Variants in PWWP2B observed in about 807,000 individuals in gnomAD.
PWWP2B encodes PWWP domain-containing protein 2B.
PWWP2B carries 9 observed loss-of-function variants against 15.5 expected under a neutral mutation model. The ratio of observed to expected loss-of-function variants is 0.58; its 90% CI spans 0.35 to 1.02. The LOEUF is 1.02. PWWP2B is among the 50% of genes least tolerant of loss of function. PWWP2B has a pLI of 0.02. For synonymous variants in PWWP2B, 474 were observed against 403.6 expected (o/e 1.17, Z -2.09); for missense variants, 864 against 865.3 (o/e 1.00, Z 0.02).
Position 132,406,160 on chromosome 10 carries a change from A to C in PWWP2B, c.1660A>C (p.Arg554=). Residue 554 remains arginine (R), a synonymous_variant, in exon 2 of 3, where the codon AGA becomes CGA. Coordinates refer to ENST00000305233, the MANE Select transcript of PWWP2B (RefSeq NM_138499.4). ...LSPFSEFFKL[R]FNRKKKGMYR... is the part of the protein sequence containing the mutation. ...CCCTTTCTCTGAATTTTTCAAACTG[A>C]GATTTAATCGTAAGAAGAAGGGGAT... 1 of 1,613,570 alleles carries C rather than the reference A, an allele frequency of 6.2e-7. No homozygotes were observed. The highest frequency in any genetic ancestry group is 8.5e-7 in the Non-Finnish European group (1 of 1,180,002).
At chr10:132,401,389 C>T (rs960053377) in intron 1 of PWWP2B, among the ~76,000 whole-genome samples, 2 of 147,402 alleles carry the variant, frequency 1.4e-5, no homozygotes, top group Admixed American at 6.7e-5. Context: ...TCCTCTTCCC[C>T]ACAGGCAGGG....
intron 2 of PWWP2B, among the ~76,000 whole-genome samples, chr10:132,411,225 A>G (rs192082184): frequency 2.6e-5 from 4 of 152,226 alleles, no homozygotes; most frequent in Non-Finnish European, 4.4e-5. Flanking sequence ...TCCCCCTCTC[A>G]TGACCACGTC....
At chr10:132,397,874 G>A (rs376326219) in intron 1 of PWWP2B, among the ~76,000 whole-genome samples, 1 of 152,180 alleles carries the variant, frequency 6.6e-6, no homozygotes, top group Non-Finnish European at 1.5e-5. Context: ...TTCAGGCCAG[G>A]GAGCCCTGAG....
intron 2 of PWWP2B, 46 bp from the exon 3 acceptor site, chr10:132,417,015 A>G (rs769278151): frequency 8.7e-6 from 14 of 1,611,090 alleles, no homozygotes; most frequent in African/African-American, 8.0e-5. Context: ...GGTCCCCCAT[A>G]CTCGACCCTG....
In PWWP2B at chr10:132,417,320, G is replaced by A; in HGVS notation, c.*276G>A. ...AGGCAGTCGGGACTCGTGACTTGCTGGCTGCTGGCTGCTGCTGCCTCGCGC... is the reference window on the plus strand; with the variant it reads ...AGGCAGTCGGGACTCGTGACTTGCTAGCTGCTGGCTGCTGCTGCCTCGCGC... On this transcript the variant is annotated 3_prime_UTR_variant, in exon 3 of 3. Coordinates refer to ENST00000305233, the MANE Select transcript of PWWP2B (RefSeq NM_138499.4). 1 of 526,496 alleles carries A rather than the reference G, an allele frequency of 1.9e-6. No homozygotes were observed. Among genetic ancestry groups the A allele is most frequent in the Non-Finnish European group, 3.4e-6 (1 of 296,338 alleles). The allele number at this position is 526,496 out of a possible 1,614,324, so 32.6% of individuals were successfully genotyped here.
rs2069672404 is a variant in PWWP2B, at chr10:132,405,061, C to G, written c.561C>G (p.Pro187=). ...LCEKCKSTLS[P]PEASPGPPAA... is the part of the protein sequence containing the mutation. ...AGAAGTGCAAGAGCACGCTGAGCCC[C>G]CCGGAGGCCAGCCCCGGACCCCCAG... Residue 187 remains proline (P), a synonymous_variant, in exon 2 of 3, where the codon CCC becomes CCG. Transcript: ENST00000305233. The G allele has an allele frequency of 1.3e-6, 2 of 1,516,912 alleles. No individual in the cohort carries two copies. Among genetic ancestry groups the G allele is most frequent in the African/African-American group, 2.8e-5 (2 of 71,546 alleles). The allele number at this position is 1,516,912 out of a possible 1,614,324, so 94.0% of individuals were successfully genotyped here. A position where few individuals can be genotyped will look rare whatever the true frequency, so the allele number is the denominator to read the frequency against.
chr10:132,411,714 C>T (rs1590764967), intron 2 of PWWP2B, among the ~76,000 whole-genome samples: 2 of 152,244 alleles, frequency 1.3e-5, no homozygotes, highest in African/African-American at 2.4e-5. Flanking sequence ...CGGCAGGAGC[C>T]GCTGCCGGGA....
In PWWP2B at chr10:132,405,721, C is replaced by T. The variant is rs201982405; in HGVS notation, c.1221C>T (p.Leu407=). 16 of 1,610,966 alleles carry T rather than the reference C, an allele frequency of 9.9e-6. No individual in the cohort carries two copies. The highest frequency in any genetic ancestry group is 8.3e-5 in the Admixed American group (5 of 60,028). The change falls in exon 2 of 3, where the codon CTC becomes CTT. Residue 407 remains leucine (L), a synonymous_variant. Transcript: ENST00000305233. ...AGGGACGCGAGGGCTTGGCTTTTCTCGTCAGCTGCCCTGAGGGGAGAGCGG... is the reference window on the plus strand; with the variant it reads ...AGGGACGCGAGGGCTTGGCTTTTCTTGTCAGCTGCCCTGAGGGGAGAGCGG... ...GPQGREGLAF[L]VSCPEGRADC... is the part of the protein sequence containing the mutation.
In PWWP2B at chr10:132,404,908, C is replaced by G; in HGVS notation, c.408C>G (p.Tyr136Ter). ...ACCCGCTGTGGCTCCGGGACACGTA[C>G]AAGCTGTGGGTGCCCCAGCCGCCGC... ...FPHPLWLRDT[Y>*]KLWVPQPPPR... Residue 136 changes from tyrosine to a stop codon, truncating the protein, a stop_gained, in exon 2 of 3, where the codon TAC becomes TAG. Coordinates refer to ENST00000305233, the MANE Select transcript of PWWP2B (RefSeq NM_138499.4). LOFTEE classifies it high-confidence loss of function. The G allele has an allele frequency of 6.3e-7, 1 of 1,595,556 alleles. No individual in the cohort carries two copies. The highest frequency in any genetic ancestry group is 8.5e-7 in the Non-Finnish European group (1 of 1,178,544).
chr10:132,403,096 G>A (rs1159334650), intron 1 of PWWP2B, among the ~76,000 whole-genome samples: 2 of 152,260 alleles, frequency 1.3e-5, no homozygotes, highest in African/African-American at 2.4e-5. Flanking sequence ...TTGCACAGGG[G>A]GCCCAGCCCG....
chr10:132,402,089 T>C (rs2069622473), intron 1 of PWWP2B, among the ~76,000 whole-genome samples: 1 of 152,222 alleles, frequency 6.6e-6, no homozygotes, highest in Admixed American at 6.5e-5. Context: ...GATGCAGGTG[T>C]GACTCAGGGT....
At position 132,397,343 on chromosome 10, in the gene PWWP2B, C is replaced by A; in HGVS notation, c.117C>A (p.Cys39Ter). The A allele has an allele frequency of 7.3e-7, 1 of 1,367,480 alleles. No individual in the cohort carries two copies. Among genetic ancestry groups the A allele is most frequent in the Non-Finnish European group, 9.5e-7 (1 of 1,052,882 alleles). 84.7% of individuals were successfully genotyped at this position (1,367,480 alleles called of 1,614,324 possible). ...ERSFAGILLD[C>*]TKKSGLFGLP... ...GCTTCGCGGGGATCCTGCTGGACTG[C>A]ACGAAAAAGTGAGCGGGGGCGCGGG... is the stretch of plus-strand genomic sequence containing the variant. The change falls in exon 1 of 3, where the codon TGC (cysteine) becomes TGA (stop). Residue 39 changes from cysteine to a stop codon, truncating the protein, a stop_gained. Coordinates refer to ENST00000305233, the MANE Select transcript of PWWP2B (RefSeq NM_138499.4). LOFTEE classifies it high-confidence loss of function.
At chr10:132,408,559 C>T (rs1033524978) in intron 2 of PWWP2B, among the ~76,000 whole-genome samples, 3 of 152,172 alleles carry the variant, frequency 2.0e-5, no homozygotes, top group African/African-American at 4.8e-5. Flanking sequence ...CGGGGAAGGT[C>T]GTCCTCCCAG....
rs577205499 is a variant in PWWP2B, at chr10:132,417,481, G to T, written c.*437G>T. The T allele has an allele frequency of 1.6e-5, 4 of 254,118 alleles. No homozygotes were observed. Among genetic ancestry groups the T allele is most frequent in the South Asian group, 5.4e-5 (1 of 18,684 alleles). 15.7% of individuals were successfully genotyped at this position (254,118 alleles called of 1,614,324 possible). A position where few individuals can be genotyped will look rare whatever the true frequency, so the allele number is the denominator to read the frequency against. ...GGTGTGGGCAGCTGTTCCCTGCCTCGCAGTGTCCTGGAGGCAGCTGTCTCG... is the reference window on the plus strand; with the variant it reads ...GGTGTGGGCAGCTGTTCCCTGCCTCTCAGTGTCCTGGAGGCAGCTGTCTCG... On this transcript the variant is annotated 3_prime_UTR_variant, in exon 3 of 3. Transcript: ENST00000305233.
At chr10:132,402,660 G>A (rs1286447574) in intron 1 of PWWP2B, among the ~76,000 whole-genome samples, 1 of 152,256 alleles carries the variant, frequency 6.6e-6, no homozygotes, top group African/African-American at 2.4e-5. Flanking sequence ...TGGGTACGGA[G>A]GCCAGTTCTG....
In PWWP2B at chr10:132,415,042, T is replaced by C. The variant is rs72863871; in HGVS notation, c.*17-2019T>C. On this transcript the variant is annotated intron_variant, in intron 2 of 2. Coordinates refer to ENST00000305233, the MANE Select transcript of PWWP2B (RefSeq NM_138499.4). ...TGTACAATTTTTACAAGTCCAGTGG[T>C]CACATGCAATATGTAATGACAAGAA... is the stretch of plus-strand genomic sequence containing the variant. Among the ~76,000 whole-genome samples, 1,419 of 152,366 alleles carry C rather than the reference T, an allele frequency of 9.3e-3. 9 individuals carry two copies. Among genetic ancestry groups the C allele is most frequent in the Non-Finnish European group, 0.014 (948 of 68,034 alleles).
At chr10:132,399,855 T>C (rs565294225) in intron 1 of PWWP2B, among the ~76,000 whole-genome samples, 1 of 152,212 alleles carries the variant, frequency 6.6e-6, no homozygotes, top group East Asian at 1.9e-4. Context: ...AGGCTCCGAG[T>C]GCGGAAGGGC....
intron 1 of PWWP2B, among the ~76,000 whole-genome samples, chr10:132,401,014 T>C (rs559758345): frequency 6.6e-6 from 1 of 152,336 alleles, no homozygotes; most frequent in Non-Finnish European, 1.5e-5. Context: ...GCTGTGCTCC[T>C]CCCGGCCATG....
intron 2 of PWWP2B, among the ~76,000 whole-genome samples, chr10:132,408,991 C>T (rs146863583): frequency 5.4e-4 from 82 of 152,380 alleles, no homozygotes; most frequent in Middle Eastern, 6.8e-3. Context: ...GTGTGAGGTC[C>T]TGATGGAGGT....
Sources: allele counts gnomAD v4.1 joint callset (sites outside exome capture counted in the v4.1 genomes callset), GRCh38; gene constraint gnomAD v4.1.1; transcripts MANE v1.5; gene names NCBI Gene and HGNC (gene_info 2026-07-23, HGNC 2026-07-21).